Variants in OPCML observed in about 807,000 individuals in gnomAD.
The protein encoded by OPCML is opioid-binding protein/cell adhesion molecule.
A neutral mutation model predicts 37.8 loss-of-function variants in OPCML; 13 were observed. The observed-to-expected ratio is 0.34, with a 90% CI of 0.22 to 0.55. The LOEUF (loss-of-function observed/expected upper bound fraction) is 0.55, where lower values mean the gene tolerates loss of function less well. OPCML is among the 20% of genes least tolerant of loss of function. The probability of loss-of-function intolerance (pLI) is 0.91; values close to 1 mark genes in which losing one functional copy is unlikely to be tolerated. For synonymous variants in OPCML, 176 were observed against 168.8 expected (o/e 1.04, Z -0.33); for missense variants, 341 against 435.6 (o/e 0.78, Z 1.93).
intron 1 of OPCML, among the ~76,000 whole-genome samples, chr11:132,955,835 A>G (rs977671372): frequency 2.0e-5 from 3 of 152,282 alleles, no homozygotes; most frequent in African/African-American, 4.8e-5. Context: ...GTGAGCCGAG[A>G]TCGCACCATT....
chr11:133,084,273 T>A (rs1023753746), intron 1 of OPCML, among the ~76,000 whole-genome samples: 1 of 152,200 alleles, frequency 6.6e-6, no homozygotes, highest in African/African-American at 2.4e-5. Context: ...CCCAGACACC[T>A]GCACAGGGCC....
At chr11:132,568,687 G>T (rs1452364756) in intron 3 of OPCML, among the ~76,000 whole-genome samples, 1 of 152,190 alleles carries the variant, frequency 6.6e-6, no homozygotes, top group Non-Finnish European at 1.5e-5. Context: ...GAATGGTCCT[G>T]CCAACACCTG....
chr11:132,586,619 T>C (rs1312804486), intron 3 of OPCML, among the ~76,000 whole-genome samples: 2 of 152,186 alleles, frequency 1.3e-5, no homozygotes, highest in Non-Finnish European at 2.9e-5. Flanking sequence ...CTCTCCAGCT[T>C]TCTGACGTAT....
intron 2 of OPCML, among the ~76,000 whole-genome samples, chr11:132,737,427 T>C (rs1945295729): frequency 1.3e-5 from 2 of 152,202 alleles, no homozygotes; most frequent in African/African-American, 4.8e-5. Context: ...TTAGATCTTG[T>C]ATGTGCTAAT....
chr11:132,978,247 G>A (rs1293130249), intron 1 of OPCML, among the ~76,000 whole-genome samples: 1 of 152,174 alleles, frequency 6.6e-6, no homozygotes, highest in Non-Finnish European at 1.5e-5. Flanking sequence ...GACCAAGCTT[G>A]GGAAGCCTTT....
intron 1 of OPCML, among the ~76,000 whole-genome samples, chr11:133,234,580 C>A (rs999073105): frequency 1.3e-5 from 2 of 152,360 alleles, no homozygotes; most frequent in Non-Finnish European, 2.9e-5. Flanking sequence ...TGTGTGTGGC[C>A]GTGACTACTC....
chr11:133,373,703 A>G (rs1944736390), intron 1 of OPCML, among the ~76,000 whole-genome samples: 2 of 151,994 alleles, frequency 1.3e-5, no homozygotes, highest in Non-Finnish European at 2.9e-5. Flanking sequence ...ACACCCAAAC[A>G]TCTTACCAAA....
rs1182777070 is a variant in OPCML, at chr11:132,943,866, G to C, written c.62-856C>G. Reference sequence around the variant, plus strand: ...GGACGCGCGGACGCCACGCTCAGCGGCCGCCCCCGGCCTCCGCGCCGCCTT... The same window carrying C: ...GGACGCGCGGACGCCACGCTCAGCGCCCGCCCCCGGCCTCCGCGCCGCCTT... On this transcript the variant is annotated intron_variant, in intron 1 of 7. Transcript: ENST00000524381. This position sits in a 1 kb window ranked among gnomAD's most constrained non-coding sequence, Gnocchi z 4.3. The C allele has an allele frequency of 2.0e-5, 3 of 151,098 alleles. No individual in the cohort carries two copies. The highest frequency in any genetic ancestry group is 6.6e-5 in the Admixed American group (1 of 15,138). The allele number at this position is 151,098 out of a possible 1,614,324, so 9.4% of individuals were successfully genotyped here. A position where few individuals can be genotyped will look rare whatever the true frequency, so the allele number is the denominator to read the frequency against.
intron 1 of OPCML, among the ~76,000 whole-genome samples, chr11:132,981,384 C>T (rs1202270742): frequency 2.6e-5 from 4 of 152,146 alleles, no homozygotes; most frequent in Admixed American, 6.5e-5. Flanking sequence ...GTCCTGAAGG[C>T]GGAGTTCTGT....
At chr11:132,436,043 C>G (rs200265702) in intron 7 of OPCML, 43 bp downstream of exon 7, 3 of 1,592,194 alleles carry the variant, frequency 1.9e-6, no homozygotes, top group African/African-American at 1.3e-5. Flanking sequence ...CTCAAGCTTC[C>G]CCATGTGGCT....
intron 1 of OPCML, among the ~76,000 whole-genome samples, chr11:133,410,577 T>C (rs1366574782): frequency 1.4e-5 from 2 of 141,532 alleles, no homozygotes; most frequent in East Asian, 4.3e-4. Context: ...TTAGAAGTTG[T>C]GGGGTTTTTG....
At chr11:132,977,576 A>G (rs1438768619) in intron 1 of OPCML, among the ~76,000 whole-genome samples, 1 of 152,216 alleles carries the variant, frequency 6.6e-6, no homozygotes, top group Non-Finnish European at 1.5e-5. Context: ...TCTTATAAAT[A>G]CACTTTGGCA....
intron 1 of OPCML, among the ~76,000 whole-genome samples, chr11:133,291,329 CAGGAAG>C (rs1156673691): frequency 6.6e-6 from 1 of 152,218 alleles, no homozygotes; most frequent in Non-Finnish European, 1.5e-5. Flanking sequence ...AAAGAGGATG[CAGGAAG>C]AGCTGTTGGC....
chr11:133,252,971 C>G (rs1941187647), intron 1 of OPCML, among the ~76,000 whole-genome samples: 1 of 151,986 alleles, frequency 6.6e-6, no homozygotes. Flanking sequence ...CATGGTGAAA[C>G]CCCGTCTCTA....
intron 2 of OPCML, among the ~76,000 whole-genome samples, chr11:132,742,633 C>G (rs1945468590): frequency 6.6e-6 from 1 of 151,606 alleles, no homozygotes; most frequent in African/African-American, 2.4e-5. Flanking sequence ...CCATGCCAAC[C>G]AAGACACTAC....
At chr11:133,254,955 C>T (rs1023945047) in intron 1 of OPCML, among the ~76,000 whole-genome samples, 1 of 152,160 alleles carries the variant, frequency 6.6e-6, no homozygotes, top group Non-Finnish European at 1.5e-5. Flanking sequence ...AAATAAGAGG[C>T]AGGAAAGCCA....
At chr11:133,359,324 G>A (rs540134792) in intron 1 of OPCML, among the ~76,000 whole-genome samples, 1 of 152,122 alleles carries the variant, frequency 6.6e-6, no homozygotes, top group South Asian at 2.1e-4. Context: ...CTCTGTCAGG[G>A]GTACCTTTCC....
At chr11:132,560,827 A>G (rs1341464590) in intron 3 of OPCML, among the ~76,000 whole-genome samples, 1 of 152,018 alleles carries the variant, frequency 6.6e-6, no homozygotes. Flanking sequence ...TGTTTGTCAG[A>G]TGTATACATT....
At chr11:132,615,013 A>C (rs1938904660) in intron 3 of OPCML, among the ~76,000 whole-genome samples, 1 of 152,218 alleles carries the variant, frequency 6.6e-6, no homozygotes, top group Admixed American at 6.5e-5. Context: ...TTGAACATAT[A>C]AATAATGCAC....
Sources: gnomAD v4.1 joint callset for allele counts (sites outside exome capture counted in the v4.1 genomes callset) on GRCh38, gnomAD v4.1.1 for gene constraint, Gnocchi (gnomAD v3.1) non-coding constraint, MANE v1.5 for transcripts, NCBI Gene and HGNC (gene_info 2026-07-23, HGNC 2026-07-21) for gene names.